PLXDC1: variants seen among roughly 807,000 people sequenced by gnomAD.
PLXDC1 encodes the protein plexin domain-containing protein 1.
PLXDC1 carries 39 observed loss-of-function variants against 61.3 expected under a neutral mutation model. The ratio of observed to expected loss-of-function variants is 0.64; its 90% CI spans 0.49 to 0.83. The LOEUF is 0.83. Among genes scored for constraint, PLXDC1 ranks in the 40% least tolerant of loss-of-function variants. The probability of loss-of-function intolerance (pLI) is 0.00; values close to 1 mark genes in which losing one functional copy is unlikely to be tolerated. For synonymous variants in PLXDC1, 212 were observed against 254.5 expected (o/e 0.83, Z 1.59); for missense variants, 596 against 666.5 (o/e 0.89, Z 1.17).
chr17:39,076,718 G>GGTTTT (rs1054658395), intron 11 of PLXDC1, among the ~76,000 whole-genome samples: 3 of 151,902 alleles, frequency 2.0e-5, no homozygotes, highest in African/African-American at 4.8e-5. Flanking sequence ...CTGGATGCAG[G>GGTTTT]GTTTTGTTTT....
chr17:39,132,044 AAG>A (rs1424885035), intron 2 of PLXDC1: 5 of 152,536 alleles, frequency 3.3e-5, no homozygotes, highest in African/African-American at 1.2e-4. Flanking sequence ...TGAGCCAGAG[AAG>A]AGAGAGGAAT....
intron 2 of PLXDC1, among the ~76,000 whole-genome samples, chr17:39,123,002 C>G (rs1047923171): frequency 1.3e-5 from 2 of 152,144 alleles, no homozygotes; most frequent in Admixed American, 1.3e-4. Flanking sequence ...CACAGCAGCC[C>G]GTGAAGCGCT....
intron 2 of PLXDC1, among the ~76,000 whole-genome samples, chr17:39,128,113 ATG>A (rs1567769563): frequency 2.8e-4 from 27 of 95,670 alleles, no homozygotes; most frequent in African/African-American, 5.5e-4. Flanking sequence ...ATATATATAT[ATG>A]TATATATATA....
In PLXDC1 at chr17:39,063,546, G is replaced by A. The variant is rs769611481; in HGVS notation, c.*4294C>T. 1.4e-6 allele frequency: 1 copy of A among 700,482 alleles called. No individual in the cohort carries two copies. Among genetic ancestry groups the A allele is most frequent in the South Asian group, 1.5e-5 (1 of 66,924 alleles). 43.4% of individuals were successfully genotyped at this position (700,482 alleles called of 1,614,324 possible). A position where few individuals can be genotyped will look rare whatever the true frequency, so the allele number is the denominator to read the frequency against. ...GGAGTTCAGCAGCCATCAGAACCAA[G>A]GTATGTGTGGTGATCTTCGGAATGC... On this transcript the variant is annotated 3_prime_UTR_variant, in exon 14 of 14. Transcript: ENST00000315392.
intron 2 of PLXDC1, among the ~76,000 whole-genome samples, chr17:39,116,011 A>C (rs982642654): frequency 3.6e-4 from 55 of 152,270 alleles, no homozygotes; most frequent in African/African-American, 1.3e-3. Context: ...GCTACTGGGG[A>C]GGCTGAGGCA....
At chr17:39,107,692 G>A (rs924430050) in intron 5 of PLXDC1, 167 bp from the exon 6 acceptor site, 10 of 654,270 alleles carry the variant, frequency 1.5e-5, no homozygotes, top group African/African-American at 3.6e-5. Context: ...AAAGCAGCGC[G>A]GCTTCCAAGC....
chr17:39,148,105 G>T (rs751396807), intron 1 of PLXDC1, among the ~76,000 whole-genome samples: 5 of 152,072 alleles, frequency 3.3e-5, no homozygotes, highest in African/African-American at 1.2e-4. Flanking sequence ...TCTGGGGAGA[G>T]CTAGAGAAGA....
chr17:39,118,127 TCTTC>T (rs1911049791), intron 2 of PLXDC1, among the ~76,000 whole-genome samples: 1 of 130,956 alleles, frequency 7.6e-6, no homozygotes, highest in South Asian at 2.7e-4. Flanking sequence ...TCTCTCAATC[TCTTC>T]CTTCCTTCCT....
At chr17:39,106,363 C>T (rs1910590607) in intron 6 of PLXDC1, among the ~76,000 whole-genome samples, 1 of 152,140 alleles carries the variant, frequency 6.6e-6, no homozygotes, top group South Asian at 2.1e-4. Flanking sequence ...CCAGTATTCC[C>T]TCTAAGCCCC....
At chr17:39,072,540 T>A in intron 11 of PLXDC1, 55 bp from the exon 12 acceptor site, 1 of 1,088,460 alleles carries the variant, frequency 9.2e-7, no homozygotes, top group Admixed American at 2.0e-5. Flanking sequence ...ACAGCCTTTG[T>A]CACTCTGAGT....
At position 39,063,394 on chromosome 17, in the gene PLXDC1, TA is replaced by T. The variant is rs777823094; in HGVS notation, c.*4445del. On this transcript the variant is annotated 3_prime_UTR_variant, in exon 14 of 14. Transcript: ENST00000315392. Reference sequence around the variant, plus strand: ...ACTTCCAGGGATTTACAGACCAATATAAGTAAACAGCTGGGGTTTCTTTTTA... The same window carrying T: ...ACTTCCAGGGATTTACAGACCAATATAGTAAACAGCTGGGGTTTCTTTTTA... 5.7e-6 allele frequency: 4 copies of T among 696,506 alleles called. No individual in the cohort carries two copies. The highest frequency in any genetic ancestry group is 1.8e-5 in the African/African-American group (1 of 56,974). The allele number at this position is 696,506 out of a possible 1,614,324, so 43.1% of individuals were successfully genotyped here.
At chr17:39,070,191 C>T in intron 12 of PLXDC1, 175 bp from the exon 13 acceptor site, 1 of 514,792 alleles carries the variant, frequency 1.9e-6, no homozygotes. Flanking sequence ...GTAAGGCATT[C>T]ATGTTCTTGA....
intron 4 of PLXDC1, 109 bp from the exon 5 acceptor site, chr17:39,108,354 G>C (rs1910670436): frequency 4.2e-6 from 5 of 1,181,984 alleles, no homozygotes; most frequent in East Asian, 2.3e-5. Context: ...CTGGAAGTGA[G>C]CCTGAGACCT....
intron 1 of PLXDC1, among the ~76,000 whole-genome samples, chr17:39,140,390 C>T (rs1391169327): frequency 6.6e-6 from 1 of 152,256 alleles, no homozygotes; most frequent in African/African-American, 2.4e-5. Flanking sequence ...CCTGCAAGCT[C>T]CGCCTCCAGG....
At chr17:39,082,289 G>A (rs1021133338) in intron 9 of PLXDC1, among the ~76,000 whole-genome samples, 1 of 152,204 alleles carries the variant, frequency 6.6e-6, no homozygotes, top group Non-Finnish European at 1.5e-5. Flanking sequence ...CACTGGGGCC[G>A]GGGCAGTGGC....
rs769694617 is a variant in PLXDC1 at position 39,083,390 on chromosome 17, G to A, written c.989+69C>T. 1.2e-4 allele frequency: 147 copies of A among 1,217,198 alleles called. No homozygotes were observed. The African/African-American group carries it at 1.4e-3, about 11-fold the overall frequency. The allele number at this position is 1,217,198 out of a possible 1,614,324, so 75.4% of individuals were successfully genotyped here. A position where few individuals can be genotyped will look rare whatever the true frequency, so the allele number is the denominator to read the frequency against. ...TGACTGTGGGCAGTGAGGCCAGGAC[G>A]GGGCCATGCCACCCTCTTCCCCTCC... On this transcript the variant is annotated intron_variant, in intron 9 of 13. Transcript: ENST00000315392.
At chr17:39,137,800 A>G (rs888905306) in intron 2 of PLXDC1, among the ~76,000 whole-genome samples, 1 of 152,074 alleles carries the variant, frequency 6.6e-6, no homozygotes, top group African/African-American at 2.4e-5. Context: ...TCCCAGGACG[A>G]ACAGAAAGGG....
chr17:39,100,317 G>A (rs1472300406), intron 7 of PLXDC1, among the ~76,000 whole-genome samples: 1 of 152,108 alleles, frequency 6.6e-6, no homozygotes, highest in Admixed American at 6.5e-5. Context: ...GTGAGGTGGT[G>A]CGATCTCAGC....
At chr17:39,086,280 T>TCTAAAGTGTCCCAGGCCTGTGACCC (rs1567756624) in intron 8 of PLXDC1, among the ~76,000 whole-genome samples, 1 of 152,080 alleles carries the variant, frequency 6.6e-6, no homozygotes, top group African/African-American at 2.4e-5. Context: ...GGCTGTGACC[T>TCTAAAGTGTCCCAGGCCTGTGACCC]CTAAAGTGTC....
Sources: gnomAD v4.1 joint callset for allele counts (sites outside exome capture counted in the v4.1 genomes callset) on GRCh38, gnomAD v4.1.1 for gene constraint, MANE v1.5 for transcripts, NCBI Gene and HGNC (gene_info 2026-07-23, HGNC 2026-07-21) for gene names.